SSTR3: variants seen among roughly 807,000 people sequenced by gnomAD.
SSTR3 encodes somatostatin receptor 3.
For missense variants in SSTR3, 504 were observed against 604.7 expected (o/e 0.83, Z 1.75); for synonymous variants, 281 against 269.2 (o/e 1.04, Z -0.43).
At position 37,207,055 on chromosome 22, in the gene SSTR3, C is replaced by T. The variant is rs767424186; in HGVS notation, c.749G>A (p.Arg250His). 2.7e-5 allele frequency: 44 copies of T among 1,611,576 alleles called. No homozygotes were observed. Among genetic ancestry groups the T allele is most frequent in the African/African-American group, 5.3e-5 (4 of 74,796 alleles). ...CATGCGCGTGACCCTGCGTTCGGAG[C>T]GCCGCCGCCGCTGGCACGAGGGTGC... ...VWAPSCQRRRRSERRVTRMVV... is the reference protein window; with the variant it reads ...VWAPSCQRRRHSERRVTRMVV... The change falls in exon 2 of 2, where the codon CGC (arginine) becomes CAC (histidine). Residue 250 changes from arginine to histidine, a missense_variant. Coordinates refer to ENST00000610913, the MANE Select transcript of SSTR3 (RefSeq NM_001051.5).
chr22:37,220,424 T>C, the SSTR3 span, among the ~76,000 whole-genome samples: 2 of 152,154 alleles, frequency 1.3e-5, no homozygotes, highest in Admixed American at 6.6e-5. Context: ...TGGTGGCACA[T>C]GCCTGTAGTC....
chr22:37,210,426 G>T, intron 1 of SSTR3: 1 of 778,478 alleles, frequency 1.3e-6, no homozygotes, highest in Non-Finnish European at 1.6e-6. Context: ...AGAACCCCTG[G>T]CCCCCTCCTG....
chr22:37,219,366 ACAGC>A, the SSTR3 span, among the ~76,000 whole-genome samples: 1 of 151,910 alleles, frequency 6.6e-6, no homozygotes, highest in African/African-American at 2.4e-5. Flanking sequence ...AGCTCCTGCC[ACAGC>A]TTGGTGTGAA....
rs4988466 is a variant in SSTR3 at position 37,207,706 on chromosome 22, G to A, written c.98C>T (p.Ala33Val). The A allele has an allele frequency of 0.053, 81,973 of 1,545,594 alleles. 2,815 individuals carry two copies. Among genetic ancestry groups the A allele is most frequent in the Admixed American group, 0.17 (8,599 of 50,642 alleles). The change falls in exon 2 of 2, where the codon GCG becomes GTG. Residue 33 changes from alanine to valine, a missense_variant. Coordinates refer to ENST00000610913, the MANE Select transcript of SSTR3 (RefSeq NM_001051.5). Reference protein sequence around the residue: ...PPDATLGNVSAGPSPAGLAVS... With the variant: ...PPDATLGNVSVGPSPAGLAVS... The stretch of plus-strand genomic sequence containing the variant: ...GGCCAGCCCTGCCGGGCTTGGGCCC[G>A]CCGACACGTTGCCCAGGGTGGCATC...
In SSTR3 at chr22:37,212,117, G is replaced by A. The variant is rs573203997; in HGVS notation, c.-329C>T. 1.0e-6 allele frequency: 1 copy of A among 985,332 alleles called. No homozygotes were observed. Among genetic ancestry groups the A allele is most frequent in the Non-Finnish European group, 1.2e-6 (1 of 830,000 alleles). 61.0% of individuals were successfully genotyped at this position (985,332 alleles called of 1,614,324 possible). On this transcript the variant is annotated 5_prime_UTR_variant, in exon 1 of 2. Coordinates refer to ENST00000610913, the MANE Select transcript of SSTR3 (RefSeq NM_001051.5). The stretch of plus-strand genomic sequence containing the variant: ...GGGGCAGGGGCAAGGATAGGGGGGA[G>A]AAGCTTCCCAGGGTGAGGAAGAGAA...
chr22:37,208,916 A>G (rs1486302975), intron 1 of SSTR3, among the ~76,000 whole-genome samples: 1 of 152,146 alleles, frequency 6.6e-6, no homozygotes, highest in African/African-American at 2.4e-5. Context: ...CCAAGGGGGA[A>G]TGTCAGGCCC....
chr22:37,205,874 T>G lies in SSTR3; in HGVS notation c.*673A>C, dbSNP rs1377304388. 3 of 152,244 alleles carry G rather than the reference T, an allele frequency of 2.0e-5. No individual in the cohort carries two copies. The highest frequency in any genetic ancestry group is 4.4e-5 in the Non-Finnish European group (3 of 68,044). 9.4% of individuals were successfully genotyped at this position (152,244 alleles called of 1,614,324 possible). ...CAGTGAGAGACCCTGAAGCTGGACTTCATTCGCTTCCATGAGCAGGAAATT... is the reference window on the plus strand; with the variant it reads ...CAGTGAGAGACCCTGAAGCTGGACTGCATTCGCTTCCATGAGCAGGAAATT... On this transcript the variant is annotated 3_prime_UTR_variant, in exon 2 of 2. Transcript: ENST00000610913.
At chr22:37,217,332 A>G (rs1173715018), upstream of SSTR3, among the ~76,000 whole-genome samples, 1 of 151,984 alleles carries the variant, frequency 6.6e-6, no homozygotes, top group African/African-American at 2.4e-5. Context: ...TTTTATTATT[A>G]TTATTCTGGA....
rs376088723 is a variant in SSTR3 at position 37,207,163 on chromosome 22, C to T, written c.641G>A (p.Gly214Asp). The stretch of plus-strand genomic sequence containing the variant: ...GATGACCAGCAGCGGCCCGAAGAAG[C>T]CCAGTGCGGCCGTGTAGATGATGAA... ...AGFIIYTAAL[G>D]FFGPLLVICL... The change falls in exon 2 of 2, where the codon GGC becomes GAC. Residue 214 changes from glycine (G) to aspartate (D), a missense_variant. Physicochemically the swap from Gly to Asp is moderately conservative, Grantham distance 94. Coordinates refer to ENST00000610913, the MANE Select transcript of SSTR3 (RefSeq NM_001051.5). 6.2e-7 allele frequency: 1 copy of T among 1,612,350 alleles called. No homozygotes were observed. Among genetic ancestry groups the T allele is most frequent in the African/African-American group, 1.3e-5 (1 of 74,932 alleles).
At position 37,204,946 on chromosome 22, in the gene SSTR3, G is replaced by C. The variant is rs1005033740; in HGVS notation, c.*1601C>G. 6 of 152,366 alleles carry C rather than the reference G, an allele frequency of 3.9e-5. No homozygotes were observed. The highest frequency in any genetic ancestry group is 1.4e-4 in the African/African-American group (6 of 41,424). 9.4% of individuals were successfully genotyped at this position (152,366 alleles called of 1,614,324 possible). ...GGGAAGCGGAAGGATTTCACCGGGG[G>C]TCTCACCCTCCCAGGGCCAGCCTCA... On this transcript the variant is annotated 3_prime_UTR_variant, in exon 2 of 2. Coordinates refer to ENST00000610913, the MANE Select transcript of SSTR3 (RefSeq NM_001051.5).
chr22:37,211,620 T>G (rs1344778863), intron 1 of SSTR3, among the ~76,000 whole-genome samples: 1 of 152,054 alleles, frequency 6.6e-6, no homozygotes, highest in Non-Finnish European at 1.5e-5. Context: ...GATTCCGAGA[T>G]CCTAGAATCA....
chr22:37,209,163 A>G (rs998462050), intron 1 of SSTR3, among the ~76,000 whole-genome samples: 7 of 152,072 alleles, frequency 4.6e-5, no homozygotes, highest in Admixed American at 2.6e-4. Flanking sequence ...CCTCCCTCCA[A>G]TGGGAGCTGT....
chr22:37,214,867 G>C (rs201856205), upstream of SSTR3, among the ~76,000 whole-genome samples: 2 of 152,014 alleles, frequency 1.3e-5, no homozygotes, highest in East Asian at 3.9e-4. Flanking sequence ...CCCTCTTCTC[G>C]TTCTAAAGCA....
At chr22:37,208,503 G>A (rs2145803072) in intron 1 of SSTR3, among the ~76,000 whole-genome samples, 1 of 152,312 alleles carries the variant, frequency 6.6e-6, no homozygotes, top group East Asian at 1.9e-4. Flanking sequence ...GTGAACCTGG[G>A]GGGCAGGTGG....
rs766537501 is a variant in SSTR3 at position 37,207,442 on chromosome 22, G to A, written c.362C>T (p.Ala121Val). Residue 121 changes from alanine (A) to valine (V), a missense_variant, in exon 2 of 2, where the codon GCG becomes GTG. Transcript: ENST00000610913. ...GGTGAACTGGTTGATGCCATCCACCGCCATGACCAGGCGGCACATGAGGGA... is the reference window on the plus strand; with the variant it reads ...GGTGAACTGGTTGATGCCATCCACCACCATGACCAGGCGGCACATGAGGGA... ...FGSLMCRLVMAVDGINQFTSI... is the reference protein window; with the variant it reads ...FGSLMCRLVMVVDGINQFTSI... 2.5e-6 allele frequency: 4 copies of A among 1,613,626 alleles called. No homozygotes were observed. Among genetic ancestry groups the A allele is most frequent in the East Asian group, 2.2e-5 (1 of 44,884 alleles).
At chr22:37,215,014 C>G (rs1474755977), upstream of SSTR3, among the ~76,000 whole-genome samples, 1 of 152,178 alleles carries the variant, frequency 6.6e-6, no homozygotes. Flanking sequence ...CTCCAACACT[C>G]CCTCCTTCAG....
chr22:37,219,524 C>G, the SSTR3 span, among the ~76,000 whole-genome samples: 1,037 of 152,308 alleles, frequency 6.8e-3, 12 homozygotes, highest in African/African-American at 0.024. Context: ...TCCTGCTCTG[C>G]CTCCCATATC....
chr22:37,211,992 G>C lies in SSTR3; in HGVS notation c.-204C>G, dbSNP rs140078853. On this transcript the variant is annotated 5_prime_UTR_variant, in exon 1 of 2. Coordinates refer to ENST00000610913, the MANE Select transcript of SSTR3 (RefSeq NM_001051.5). ...GGCTCAGGTTCCCTCCCAGGCCCTCGGCCACGGCTGTCCACAGAGCCTCTC... is the reference window on the plus strand; with the variant it reads ...GGCTCAGGTTCCCTCCCAGGCCCTCCGCCACGGCTGTCCACAGAGCCTCTC... The C allele has an allele frequency of 1.3e-4, 126 of 985,650 alleles. 1 individual carries two copies. In the South Asian group the frequency reaches 5.2e-3, roughly 41 times the overall value. 61.1% of individuals were successfully genotyped at this position (985,650 alleles called of 1,614,324 possible).
At chr22:37,218,698 C>T in the SSTR3 span, among the ~76,000 whole-genome samples, 1 of 151,990 alleles carries the variant, frequency 6.6e-6, no homozygotes, top group African/African-American at 2.4e-5. Context: ...CTCACCCCCA[C>T]TCTGCCCTGT....
Sources: gnomAD v4.1 joint callset for allele counts (sites outside exome capture counted in the v4.1 genomes callset) on GRCh38, gnomAD v4.1.1 for gene constraint, MANE v1.5 for transcripts, NCBI Gene and HGNC (gene_info 2026-07-23, HGNC 2026-07-21) for gene names.